RASA2: variants seen among roughly 807,000 people sequenced by gnomAD.
The protein encoded by RASA2 is ras GTPase-activating protein 2.
RASA2 carries 155 observed loss-of-function variants against 118.2 expected under a neutral mutation model. The ratio of observed to expected loss-of-function variants is 1.31; its 90% CI spans 1.15 to 1.50. RASA2 has a LOEUF of 1.50. RASA2 is among the 40% of genes most tolerant of loss of function. The pLI, the probability that RASA2 is intolerant of heterozygous loss-of-function variation, is 0.00. For missense variants in RASA2, 1,016 were observed against 1,009.6 expected (o/e 1.01, Z -0.09); for synonymous variants, 353 against 349.1 (o/e 1.01, Z -0.12).
intron 9 of RASA2, among the ~76,000 whole-genome samples, chr3:141,565,851 C>CTTAAATTATTTCATTGACCAT (rs1356981166): frequency 6.6e-6 from 1 of 152,210 alleles, no homozygotes; most frequent in Admixed American, 6.5e-5. Context: ...CATATCTTTA[C>CTTAAATTATTTCATTGACCAT]ATCACTATTT....
intron 2 of RASA2, among the ~76,000 whole-genome samples, chr3:141,514,690 C>G (rs1317198325): frequency 6.6e-6 from 1 of 152,130 alleles, no homozygotes; most frequent in African/African-American, 2.4e-5. Context: ...TCTCAGTAAT[C>G]AAAAGCATGT....
intron 5 of RASA2, among the ~76,000 whole-genome samples, chr3:141,545,252 C>T (rs2082467279): frequency 6.6e-6 from 1 of 152,146 alleles, no homozygotes; most frequent in African/African-American, 2.4e-5. Context: ...TTAGTCCATT[C>T]TCACATTGCT....
At chr3:141,505,148 T>A (rs1431765091) in intron 1 of RASA2, among the ~76,000 whole-genome samples, 2 of 152,260 alleles carry the variant, frequency 1.3e-5, no homozygotes, top group African/African-American at 4.8e-5. Flanking sequence ...AAATATTTAT[T>A]TCTTCCATGA....
intron 5 of RASA2, among the ~76,000 whole-genome samples, chr3:141,552,377 A>T (rs972363797): frequency 6.6e-6 from 1 of 152,236 alleles, no homozygotes; most frequent in Non-Finnish European, 1.5e-5. Flanking sequence ...AAAATTAAAA[A>T]GTAGAAGTTG....
intron 1 of RASA2, 104 bp downstream of exon 1, chr3:141,487,320 C>T (rs2081589738): frequency 5.3e-6 from 6 of 1,134,314 alleles, no homozygotes; most frequent in Non-Finnish European, 6.5e-6. Context: ...GCTGGGATCG[C>T]GGGCCCGGGA....
intron 2 of RASA2, among the ~76,000 whole-genome samples, chr3:141,515,525 A>G (rs2082009639): frequency 6.6e-6 from 1 of 152,172 alleles, no homozygotes; most frequent in Non-Finnish European, 1.5e-5. Context: ...CTTAGTTGAA[A>G]TTTAGCATTG....
rs117865784 is a variant in RASA2 at position 141,584,736 on chromosome 3, A to C, written c.1753-1289A>C. On this transcript the variant is annotated intron_variant, in intron 17 of 23. Coordinates refer to ENST00000286364, the MANE Select transcript of RASA2 (RefSeq NM_006506.5). The stretch of plus-strand genomic sequence containing the variant: ...GTCTTTGTTTTCACAACCCTTTCAC[A>C]ATCCTAAATGTAACCCTAATTGTTA... 1.4e-3 allele frequency among the ~76,000 whole-genome samples: 219 copies of C among 152,332 alleles called. 7 individuals are homozygous for C. The East Asian group carries it at 0.024, about 17-fold the overall frequency.
rs377247658 is a variant in RASA2 at position 141,555,949 on chromosome 3, A to G, written c.684+37A>G. The G allele has an allele frequency of 1.3e-5, 19 of 1,464,358 alleles. No homozygotes were observed. The African/African-American group carries it at 2.0e-4, about 15-fold the overall frequency. The allele number at this position is 1,464,358 out of a possible 1,614,324, so 90.7% of individuals were successfully genotyped here. A position where few individuals can be genotyped will look rare whatever the true frequency, so the allele number is the denominator to read the frequency against. On this transcript the variant is annotated intron_variant, in intron 7 of 23. Transcript: ENST00000286364. Reference sequence around the variant, plus strand: ...TTTTACGTAAATGTTAACATTAAATATGTAATATTTAATGCTAGTTGATTT... The same window carrying G: ...TTTTACGTAAATGTTAACATTAAATGTGTAATATTTAATGCTAGTTGATTT...
rs2083688712 is a variant in RASA2 at position 141,613,873 on chromosome 3, G to T, written c.*1560G>T. On this transcript the variant is annotated 3_prime_UTR_variant, in exon 24 of 24. Transcript: ENST00000286364. ...AAATCAATGAATTATGTTTAAGTCT[G>T]CATTATGGTAGGTTATTACTCCCAG... 6.6e-6 allele frequency: 1 copy of T among 152,126 alleles called. No homozygotes were observed. Among genetic ancestry groups the T allele is most frequent in the Non-Finnish European group, 1.5e-5 (1 of 68,016 alleles). 9.4% of individuals were successfully genotyped at this position (152,126 alleles called of 1,614,324 possible).
intron 7 of RASA2, among the ~76,000 whole-genome samples, chr3:141,558,469 C>T (rs565253000): frequency 3.3e-5 from 5 of 152,138 alleles, no homozygotes; most frequent in East Asian, 3.9e-4. Flanking sequence ...GAGAATTTAT[C>T]GTCAGATGTG....
At chr3:141,572,376 G>A (rs111745939) in intron 11 of RASA2, among the ~76,000 whole-genome samples, 10 of 152,214 alleles carry the variant, frequency 6.6e-5, no homozygotes, top group African/African-American at 2.2e-4. Context: ...ACAGGCATGA[G>A]CCATCACACC....
At chr3:141,610,213 C>G in intron 23 of RASA2, 147 bp downstream of exon 23, 1 of 548,210 alleles carries the variant, frequency 1.8e-6, no homozygotes, top group East Asian at 3.5e-5. Context: ...CTGGCCACTC[C>G]AAGTGCTCTT....
At chr3:141,489,042 G>GA (rs1289039692) in intron 1 of RASA2, among the ~76,000 whole-genome samples, 2 of 151,754 alleles carry the variant, frequency 1.3e-5, no homozygotes, top group Non-Finnish European at 2.9e-5. Context: ...TTAAAAAAAA[G>GA]AAAAACAAAA....
intron 11 of RASA2, among the ~76,000 whole-genome samples, chr3:141,572,011 T>G (rs1237160912): frequency 1.4e-5 from 2 of 143,338 alleles, no homozygotes; most frequent in Non-Finnish European, 3.0e-5. Flanking sequence ...ATAAACATGA[T>G]TTGCCTTTTT....
In RASA2 at chr3:141,577,061, A is replaced by G; in HGVS notation, c.1545A>G (p.Val515=). 6.2e-7 allele frequency: 1 copy of G among 1,611,768 alleles called. No individual in the cohort carries two copies. The highest frequency in any genetic ancestry group is 8.5e-7 in the Non-Finnish European group (1 of 1,178,628). Residue 515 remains valine, a synonymous_variant, in exon 15 of 24, where the codon GTA becomes GTG. Coordinates refer to ENST00000286364, the MANE Select transcript of RASA2 (RefSeq NM_006506.5). ...TTGTATTTCTTCGTTTCTTTGCTGT[A>G]GCCGTAGTATCACCTCATACTTTTC... ...SSFVFLRFFA[V]AVVSPHTFHL...
rs2083706205 is a variant in RASA2 at position 141,614,920 on chromosome 3, G to T, written c.*2607G>T. On this transcript the variant is annotated 3_prime_UTR_variant, in exon 24 of 24. Transcript: ENST00000286364. ...TAATATGGCTTTTGTTTCTGTTTCT[G>T]AAGCCTGATTTCATTTATGCCAGGT... The T allele has an allele frequency of 6.6e-6, 1 of 152,016 alleles. No individual in the cohort carries two copies. Among genetic ancestry groups the T allele is most frequent in the South Asian group, 2.1e-4 (1 of 4,826 alleles). The allele number at this position is 152,016 out of a possible 1,614,324, so 9.4% of individuals were successfully genotyped here.
chr3:141,596,546 A>T (rs1006726944), intron 19 of RASA2, among the ~76,000 whole-genome samples: 2 of 152,224 alleles, frequency 1.3e-5, no homozygotes, highest in Admixed American at 1.3e-4. Context: ...TGAAAAGGTA[A>T]GCAACAGACT....
At chr3:141,540,982 G>C (rs1412084321) in intron 5 of RASA2, among the ~76,000 whole-genome samples, 1 of 152,070 alleles carries the variant, frequency 6.6e-6, no homozygotes, top group Admixed American at 6.6e-5. Context: ...TGCCCACTCA[G>C]AGATGACCAG....
At chr3:141,531,464 G>GTA (rs1426351144) in intron 4 of RASA2, among the ~76,000 whole-genome samples, 2 of 150,966 alleles carry the variant, frequency 1.3e-5, no homozygotes, top group South Asian at 2.1e-4. Context: ...GCATATGTGT[G>GTA]TATATATATG....
Sources: allele counts gnomAD v4.1 joint callset (sites outside exome capture counted in the v4.1 genomes callset), GRCh38; gene constraint gnomAD v4.1.1; transcripts MANE v1.5; gene names NCBI Gene and HGNC (gene_info 2026-07-23, HGNC 2026-07-21).